Variants in IKZF1 observed in about 807,000 individuals in gnomAD.
IKZF1 encodes DNA-binding protein Ikaros.
IKZF1 carries 10 observed loss-of-function variants against 51.7 expected under a neutral mutation model. The ratio of observed to expected loss-of-function variants is 0.19; its 90% CI spans 0.12 to 0.33. The LOEUF (loss-of-function observed/expected upper bound fraction) is 0.33, where lower values mean the gene tolerates loss of function less well. Among genes scored for constraint, IKZF1 ranks in the 10% least tolerant of loss-of-function variants. The pLI is 1.00. For missense variants in IKZF1, 484 were observed against 707.5 expected, an observed-to-expected ratio of 0.68 and a Z score of 3.58; for synonymous variants, 280 against 282.3, an observed-to-expected ratio of 0.99 and a Z score of 0.08.
intron 1 of IKZF1, among the ~76,000 whole-genome samples, chr7:50,306,504 CT>C (rs1433929366): frequency 6.6e-6 from 1 of 152,146 alleles, no homozygotes; most frequent in African/African-American, 2.4e-5. Flanking sequence ...ACACACCCCC[CT>C]AATGCAGAAA....
chr7:50,387,729 A>G (rs1241313077), intron 6 of IKZF1, among the ~76,000 whole-genome samples: 1 of 152,236 alleles, frequency 6.6e-6, no homozygotes, highest in Non-Finnish European at 1.5e-5. Context: ...AACTCCTAGG[A>G]TAGCAGTGAC....
At chr7:50,390,667 G>T (rs1814789687) in intron 6 of IKZF1, among the ~76,000 whole-genome samples, 1 of 152,178 alleles carries the variant, frequency 6.6e-6, no homozygotes, top group South Asian at 2.1e-4. Flanking sequence ...CATAAAACTG[G>T]CTTGTAAATT....
intron 6 of IKZF1, among the ~76,000 whole-genome samples, chr7:50,389,966 CAGTT>C (rs1814558526): frequency 6.6e-6 from 1 of 152,308 alleles, no homozygotes; most frequent in South Asian, 2.1e-4. Flanking sequence ...ATCAAAGCCT[CAGTT>C]AGGCAATATA....
rs2153518753 is a variant in IKZF1, at chr7:50,400,268, G to A, written c.1201G>A (p.Glu401Lys). 1 of 1,612,200 alleles carries A rather than the reference G, an allele frequency of 6.2e-7. No homozygotes were observed. Reference protein sequence around the residue: ...SNSCQDSTDTESNNEEQRSGL... With the variant: ...SNSCQDSTDTKSNNEEQRSGL... The stretch of plus-strand genomic sequence containing the variant: ...CAGCTGCCAAGACTCCACGGACACC[G>A]AGAGCAACAACGAGGAGCAGCGCAG... Residue 401 changes from glutamate to lysine, a missense_variant, in exon 8 of 8, where the codon GAG becomes AAG. Around this residue, in one of 6 missense-constraint regions of IKZF1, gnomAD observed 27 missense variants for 56.8 expected, o/e 0.48. Coordinates refer to ENST00000331340, the MANE Select transcript of IKZF1 (RefSeq NM_006060.6). The surrounding 1 kb of genome is among the most constrained non-coding windows in gnomAD (Gnocchi z 5.4).
At chr7:50,332,051 C>T (rs924531221) in intron 3 of IKZF1, among the ~76,000 whole-genome samples, 9 of 152,196 alleles carry the variant, frequency 5.9e-5, no homozygotes, top group South Asian at 2.1e-4. Flanking sequence ...TGTTTAAAGC[C>T]GAGGATGCAC....
At chr7:50,312,149 T>A (rs1389872846) in intron 1 of IKZF1, among the ~76,000 whole-genome samples, 1 of 152,202 alleles carries the variant, frequency 6.6e-6, no homozygotes, top group East Asian at 1.9e-4. Flanking sequence ...TAGATTTTTT[T>A]AACTTAAGTG....
At position 50,400,641 on chromosome 7, in the gene IKZF1, C is replaced by G. The variant is rs1817936908; in HGVS notation, c.*14C>G. 1 of 1,597,526 alleles carries G rather than the reference C, an allele frequency of 6.3e-7. No individual in the cohort carries two copies. The highest frequency in any genetic ancestry group is 8.5e-7 in the Non-Finnish European group (1 of 1,177,016). On this transcript the variant is annotated 3_prime_UTR_variant, in exon 8 of 8. Transcript: ENST00000331340. This position sits in a 1 kb window ranked among gnomAD's most constrained non-coding sequence, Gnocchi z 5.4. ...CACATGAGCTAAAGCCCTCCCGCGCCCCCACCCCAGACCCCGAGCCACCCC... is the reference window on the plus strand; with the variant it reads ...CACATGAGCTAAAGCCCTCCCGCGCGCCCACCCCAGACCCCGAGCCACCCC...
intron 1 of IKZF1, among the ~76,000 whole-genome samples, chr7:50,317,353 G>T (rs1791854786): frequency 6.6e-6 from 1 of 152,174 alleles, no homozygotes; most frequent in African/African-American, 2.4e-5. Flanking sequence ...GTGTGGCACG[G>T]CTGTTACAAA....
chr7:50,400,763 G>GT lies in IKZF1; in HGVS notation c.*142dup, dbSNP rs1294970284. 4 of 1,194,822 alleles carry GT rather than the reference G, an allele frequency of 3.3e-6. No individual in the cohort carries two copies. Among genetic ancestry groups the GT allele is most frequent in the Non-Finnish European group, 4.6e-6 (4 of 870,754 alleles). The allele number at this position is 1,194,822 out of a possible 1,614,324, so 74.0% of individuals were successfully genotyped here. ...GTGTTTGGATTTGTAACTGTTTTTT[G>GT]TTTTTTGTTTGAGTTGGTTGATTGG... On this transcript the variant is annotated 3_prime_UTR_variant, in exon 8 of 8. Transcript: ENST00000331340. The surrounding 1 kb of genome is among the most constrained non-coding windows in gnomAD (Gnocchi z 5.4).
chr7:50,311,886 G>GA (rs922265913), intron 1 of IKZF1, among the ~76,000 whole-genome samples: 155 of 152,150 alleles, frequency 1.0e-3, no homozygotes, highest in African/African-American at 3.4e-3. Flanking sequence ...AAAAAATGAA[G>GA]AAAAAAACGT....
chr7:50,346,515 A>G (rs1442914878), intron 3 of IKZF1, among the ~76,000 whole-genome samples: 1 of 152,200 alleles, frequency 6.6e-6, no homozygotes, highest in Non-Finnish European at 1.5e-5. Context: ...TGGTTTCCTC[A>G]GCATATGATG....
At chr7:50,384,378 G>A (rs1812762725) in intron 5 of IKZF1, among the ~76,000 whole-genome samples, 1 of 152,196 alleles carries the variant, frequency 6.6e-6, no homozygotes, top group Admixed American at 6.5e-5. Context: ...ATCCCCACAT[G>A]CTCGCCATCA....
At chr7:50,307,098 T>A (rs34967960) in intron 1 of IKZF1, among the ~76,000 whole-genome samples, 2,881 of 152,282 alleles carry the variant, frequency 0.019, 50 homozygotes, top group East Asian at 0.042. Flanking sequence ...AAAGGCCCCC[T>A]TTATTTTTAA....
intron 3 of IKZF1, among the ~76,000 whole-genome samples, chr7:50,357,353 C>T (rs1050678901): frequency 4.7e-5 from 7 of 150,150 alleles, no homozygotes; most frequent in Non-Finnish European, 3.0e-5. Context: ...CCACCACCCC[C>T]CCACCGCCAA....
intron 5 of IKZF1, among the ~76,000 whole-genome samples, chr7:50,385,567 T>TTCCCAA (rs2153483686): frequency 6.6e-6 from 1 of 152,362 alleles, no homozygotes; most frequent in East Asian, 1.9e-4. Context: ...TCCCAAAGAA[T>TTCCCAA]ATTGGACTAT....
At chr7:50,383,592 G>T (rs111561364) in intron 5 of IKZF1, among the ~76,000 whole-genome samples, 1 of 152,208 alleles carries the variant, frequency 6.6e-6, no homozygotes, top group Admixed American at 6.5e-5. Context: ...TCCAGTTGGG[G>T]ATATTTGCTG....
At chr7:50,398,322 C>G (rs142229359) in intron 7 of IKZF1, among the ~76,000 whole-genome samples, 1 of 152,328 alleles carries the variant, frequency 6.6e-6, no homozygotes, top group African/African-American at 2.4e-5. Context: ...AAAGTCTCTG[C>G]CTAGCTGGCC....
At chr7:50,319,991 G>T (rs1792733383) in intron 2 of IKZF1, among the ~76,000 whole-genome samples, 1 of 152,154 alleles carries the variant, frequency 6.6e-6, no homozygotes, top group Admixed American at 6.5e-5. Flanking sequence ...AGGTGCAGGA[G>T]AGGATCTTCT....
intron 3 of IKZF1, among the ~76,000 whole-genome samples, chr7:50,346,266 C>T (rs1365018811): frequency 6.6e-6 from 1 of 152,192 alleles, no homozygotes; most frequent in Non-Finnish European, 1.5e-5. Context: ...ATAAGTTCTT[C>T]CTAAGCATCC....
Sources: gnomAD v4.1 joint callset for allele counts (sites outside exome capture counted in the v4.1 genomes callset) on GRCh38, gnomAD v4.1.1 for gene constraint, gnomAD v4.1.1 regional missense constraint, Gnocchi (gnomAD v3.1) non-coding constraint, MANE v1.5 for transcripts, NCBI Gene and HGNC (gene_info 2026-07-23, HGNC 2026-07-21) for gene names.